PTPRO: variants seen among roughly 807,000 people sequenced by gnomAD.
The protein encoded by PTPRO is receptor-type tyrosine-protein phosphatase O.
In PTPRO, 62 loss-of-function variants were observed where a neutral mutation model predicts 145.2. That is an observed-to-expected ratio of 0.43 (90% CI 0.35 to 0.53). The LOEUF is 0.53. PTPRO is among the 20% of genes least tolerant of loss of function. The probability of loss-of-function intolerance (pLI) is 0.01; values close to 1 mark genes in which losing one functional copy is unlikely to be tolerated. For synonymous variants in PTPRO, 565 were observed against 514.7 expected (o/e 1.10, Z -1.32); for missense variants, 1,345 against 1,482.7 (o/e 0.91, Z 1.53).
At position 15,482,410 on chromosome 12, in the gene PTPRO, G is replaced by A. The variant is rs11056517; in HGVS notation, c.76-1564G>A. Reference sequence around the variant, plus strand: ...AGGGGGACAGCCAAAGGCTTGTTAAGGGATGCAAAAGTATACCTAGCCAGG... The same window carrying A: ...AGGGGGACAGCCAAAGGCTTGTTAAAGGATGCAAAAGTATACCTAGCCAGG... On this transcript the variant is annotated intron_variant, in intron 1 of 26. Transcript: ENST00000281171. 5.2e-3 allele frequency among the ~76,000 whole-genome samples: 797 copies of A among 152,156 alleles called. 55 individuals carry two copies. In the East Asian group the frequency reaches 0.14, roughly 26 times the overall value.
At position 15,482,443 on chromosome 12, in the gene PTPRO, C is replaced by T. The variant is rs567599089; in HGVS notation, c.76-1531C>T. ...AAAGTATACCTAGCCAGGAGGAATA[C>T]GTTCTAATGCTCTATAGTACTATAG... On this transcript the variant is annotated intron_variant, in intron 1 of 26. Coordinates refer to ENST00000281171, the MANE Select transcript of PTPRO (RefSeq NM_030667.3). 2.5e-3 allele frequency among the ~76,000 whole-genome samples: 375 copies of T among 152,122 alleles called. 2 individuals are homozygous for T. Among genetic ancestry groups the T allele is most frequent in the African/African-American group, 8.6e-3 (357 of 41,522 alleles).
intron 2 of PTPRO, among the ~76,000 whole-genome samples, chr12:15,489,998 T>C (rs1941967807): frequency 6.6e-6 from 1 of 152,210 alleles, no homozygotes; most frequent in African/African-American, 2.4e-5. Flanking sequence ...GTGTTAGCTG[T>C]TCCAGAAAAT....
chr12:15,433,017 C>T (rs984075495), intron 1 of PTPRO, among the ~76,000 whole-genome samples: 1 of 151,852 alleles, frequency 6.6e-6, no homozygotes, highest in Non-Finnish European at 1.5e-5. Context: ...ATTGTTTTTG[C>T]TGTGCAGACA....
intron 19 of PTPRO, among the ~76,000 whole-genome samples, chr12:15,576,854 G>C (rs1201093840): frequency 6.6e-6 from 1 of 152,104 alleles, no homozygotes. Context: ...CAGAATATGT[G>C]AGATATTTTG....
chr12:15,520,949 T>C (rs571403084), intron 10 of PTPRO, among the ~76,000 whole-genome samples: 2 of 152,326 alleles, frequency 1.3e-5, no homozygotes, highest in East Asian at 3.9e-4. Flanking sequence ...ACACAAAGTT[T>C]AAGCACTTAA....
intron 1 of PTPRO, among the ~76,000 whole-genome samples, chr12:15,421,390 A>T (rs1010752257): frequency 6.6e-6 from 1 of 152,206 alleles, no homozygotes; most frequent in African/African-American, 2.4e-5. Context: ...GAAGTAAAAA[A>T]GAGAGAAGGG....
intron 1 of PTPRO, among the ~76,000 whole-genome samples, chr12:15,460,071 C>G (rs1672340543): frequency 6.6e-6 from 1 of 152,158 alleles, no homozygotes; most frequent in African/African-American, 2.4e-5. Context: ...ATTACCTTTT[C>G]CATTCATTCA....
At chr12:15,375,651 G>A (rs1378300545) in intron 1 of PTPRO, among the ~76,000 whole-genome samples, 3 of 151,052 alleles carry the variant, frequency 2.0e-5, no homozygotes, top group African/African-American at 7.3e-5. Context: ...AGCTACTTGG[G>A]AAGCTGAGGT....
At chr12:15,449,585 A>C (rs1437265458) in intron 1 of PTPRO, among the ~76,000 whole-genome samples, 1 of 152,196 alleles carries the variant, frequency 6.6e-6, no homozygotes. Context: ...CTGAGAGTAG[A>C]TGCTCTTACT....
chr12:15,336,008 T>C (rs140471365), intron 1 of PTPRO, among the ~76,000 whole-genome samples: 61 of 152,320 alleles, frequency 4.0e-4, no homozygotes, highest in African/African-American at 1.4e-3. Flanking sequence ...CTTAATTTGA[T>C]ATCTTTAAGC....
At chr12:15,360,917 C>T (rs1420453832) in intron 1 of PTPRO, among the ~76,000 whole-genome samples, 2 of 118,646 alleles carry the variant, frequency 1.7e-5, no homozygotes, top group Non-Finnish European at 3.6e-5. Context: ...TATATACACA[C>T]ATGTATATAC....
chr12:15,333,770 T>C (rs1866678236), intron 1 of PTPRO, among the ~76,000 whole-genome samples: 1 of 152,168 alleles, frequency 6.6e-6, no homozygotes, highest in Non-Finnish European at 1.5e-5. Context: ...AATGAGCTCA[T>C]TTAGACATCA....
chr12:15,512,752 G>T (rs999712366), intron 7 of PTPRO, among the ~76,000 whole-genome samples: 1 of 152,136 alleles, frequency 6.6e-6, no homozygotes, highest in Non-Finnish European at 1.5e-5. Context: ...CTAGCACTTT[G>T]GGAGGCCAAG....
In PTPRO at chr12:15,513,198, A is replaced by G. The variant is rs1338440580; in HGVS notation, c.1465-2300A>G. 3.1e-4 allele frequency among the ~76,000 whole-genome samples: 38 copies of G among 122,008 alleles called. 3 individuals are homozygous for G. The highest frequency in any genetic ancestry group is 1.3e-3 in the African/African-American group (35 of 27,028). 80.0% of individuals were successfully genotyped at this position (122,008 alleles called of 152,430 possible). ...GAAAGAAAGAAAGAAAGAAAGAAAG[A>G]AAGAAAGAAAGAAAGAAAGAAAGAA... On this transcript the variant is annotated intron_variant, in intron 7 of 26. Transcript: ENST00000281171.
Position 15,439,214 on chromosome 12 carries a change from A to C in PTPRO, c.76-44760A>C, listed in dbSNP as rs112495738. On this transcript the variant is annotated intron_variant, in intron 1 of 26. Transcript: ENST00000281171. ...AGATAAATAAAATATTTTCCAGACAAACAAGTCCTAGGGGAATTCATTACC... is the reference window on the plus strand; with the variant it reads ...AGATAAATAAAATATTTTCCAGACACACAAGTCCTAGGGGAATTCATTACC... Among the ~76,000 whole-genome samples, 11 of 152,318 alleles carry C rather than the reference A, an allele frequency of 7.2e-5. 1 individual carries two copies. Among genetic ancestry groups the C allele is most frequent in the African/African-American group, 2.6e-4 (11 of 41,572 alleles).
chr12:15,411,960 T>C (rs1361806183), intron 1 of PTPRO, among the ~76,000 whole-genome samples: 1 of 152,196 alleles, frequency 6.6e-6, no homozygotes, highest in Non-Finnish European at 1.5e-5. Context: ...AAGAGAGCCA[T>C]CAAGCCTCAT....
Position 15,516,960 on chromosome 12 carries a change from ATC to A in PTPRO, c.1779+6_1779+7del, listed in dbSNP as rs1942612663. On this transcript the variant is annotated splice_donor_5th_base_variant and intron_variant, in intron 9 of 26. Coordinates refer to ENST00000281171, the MANE Select transcript of PTPRO (RefSeq NM_030667.3). ...TGTTTCCTTAACTGCATCCGTGGTA[ATC>A]TTCCCTTAACCAACTGTCAGTCTTT... 1.2e-6 allele frequency: 2 copies of A among 1,610,256 alleles called. No individual in the cohort carries two copies. Among genetic ancestry groups the A allele is most frequent in the Non-Finnish European group, 1.7e-6 (2 of 1,176,594 alleles).
At chr12:15,530,001 G>A (rs903364496) in intron 12 of PTPRO, among the ~76,000 whole-genome samples, 2 of 152,116 alleles carry the variant, frequency 1.3e-5, no homozygotes, top group African/African-American at 4.8e-5. Context: ...AAGACACACA[G>A]GGACTGAAAG....
At chr12:15,513,226 AAAAG>A (rs1399317065) in intron 7 of PTPRO, among the ~76,000 whole-genome samples, 2 of 119,974 alleles carry the variant, frequency 1.7e-5, no homozygotes, top group Non-Finnish European at 3.4e-5. Flanking sequence ...AGAAAGAAAG[AAAAG>A]AAAGAAAGAG....
Sources: gnomAD v4.1 joint callset for allele counts (sites outside exome capture counted in the v4.1 genomes callset) on GRCh38, gnomAD v4.1.1 for gene constraint, MANE v1.5 for transcripts, NCBI Gene and HGNC (gene_info 2026-07-23, HGNC 2026-07-21) for gene names.